Variants in LAPTM5 observed in about 807,000 individuals in gnomAD.
The protein encoded by LAPTM5 is lysosomal protein transmembrane 5.
Under a neutral mutation model 30.1 loss-of-function variants are expected in LAPTM5, and 11 were observed. That is an observed-to-expected ratio of 0.37 (90% confidence interval 0.23 to 0.60). The LOEUF (loss-of-function observed/expected upper bound fraction) is 0.60, where lower values mean the gene tolerates loss of function less well. Among genes scored for constraint, LAPTM5 ranks in the 20% least tolerant of loss-of-function variants. The probability of loss-of-function intolerance (pLI) is 0.71; values close to 1 mark genes in which losing one functional copy is unlikely to be tolerated. For synonymous variants in LAPTM5, 151 were observed against 137.9 expected, an observed-to-expected ratio of 1.10 and a Z score of -0.67; for missense variants, 324 against 332.5, an observed-to-expected ratio of 0.97 and a Z score of 0.20.
At chr1:30,743,704 G>A (rs79243755) in intron 1 of LAPTM5, among the ~76,000 whole-genome samples, 168 of 151,432 alleles carry the variant, frequency 1.1e-3, no homozygotes, top group South Asian at 2.7e-3. Context: ...AGTTTACATC[G>A]GCTTTCTAGG....
At chr1:30,740,430 C>T (rs1306239558) in intron 3 of LAPTM5, among the ~76,000 whole-genome samples, 5 of 149,868 alleles carry the variant, frequency 3.3e-5, no homozygotes, top group Non-Finnish European at 6.0e-5. Flanking sequence ...CACCACGCCC[C>T]GCATACAATT....
At chr1:30,751,382 C>T (rs145017797) in intron 1 of LAPTM5, among the ~76,000 whole-genome samples, 1 of 152,374 alleles carries the variant, frequency 6.6e-6, no homozygotes, top group East Asian at 1.9e-4. Context: ...CAGATTCTCA[C>T]CCAGGGTTTT....
intron 5 of LAPTM5, among the ~76,000 whole-genome samples, chr1:30,738,408 A>C (rs1321776503): frequency 6.6e-6 from 1 of 152,116 alleles, no homozygotes; most frequent in African/African-American, 2.4e-5. Flanking sequence ...CAAAGAGCCC[A>C]CGCCCTGTGA....
chr1:30,751,663 C>A, intron 1 of LAPTM5, among the ~76,000 whole-genome samples: 1 of 151,644 alleles, frequency 6.6e-6, no homozygotes, highest in Non-Finnish European at 1.5e-5. Context: ...CACTTGAACC[C>A]GGGAGGCAGA....
At position 30,745,767 on chromosome 1, in the gene LAPTM5, T is replaced by C. The variant is rs981947390; in HGVS notation, c.88-3218A>G. Among the ~76,000 whole-genome samples the C allele has an allele frequency of 3.3e-5, 5 of 152,290 alleles. No individual in the cohort carries two copies. The South Asian group carries it at 1.0e-3, about 32-fold the overall frequency. On this transcript the variant is annotated intron_variant, in intron 1 of 7. Transcript: ENST00000294507. Reference sequence around the variant, plus strand: ...GGCACCCATGTGGCTCTCTAGGACATAGGATGGAGAGGAACTCACATTTAT... The same window carrying C: ...GGCACCCATGTGGCTCTCTAGGACACAGGATGGAGAGGAACTCACATTTAT...
chr1:30,744,596 C>T, intron 1 of LAPTM5, among the ~76,000 whole-genome samples: 1 of 152,172 alleles, frequency 6.6e-6, no homozygotes, highest in East Asian at 1.9e-4. Context: ...TCATCTCAAC[C>T]TCCCCTTGCT....
chr1:30,745,670 C>T (rs1640032968), intron 1 of LAPTM5, among the ~76,000 whole-genome samples: 1 of 152,204 alleles, frequency 6.6e-6, no homozygotes, highest in Non-Finnish European at 1.5e-5. Flanking sequence ...GACTTAGACT[C>T]TGAGGGGCCC....
intron 1 of LAPTM5, among the ~76,000 whole-genome samples, chr1:30,748,284 G>A (rs1460356510): frequency 6.6e-6 from 1 of 152,112 alleles, no homozygotes; most frequent in Non-Finnish European, 1.5e-5. Context: ...CAAGAAGACA[G>A]GCCCGGGCTT....
chr1:30,735,796 T>C (rs1276877739), intron 6 of LAPTM5, among the ~76,000 whole-genome samples: 1 of 152,068 alleles, frequency 6.6e-6, no homozygotes, highest in Non-Finnish European at 1.5e-5. Flanking sequence ...GGGCATACAA[T>C]CCCAAGGGGC....
chr1:30,754,846 G>A lies in LAPTM5; in HGVS notation c.87+2813C>T, dbSNP rs533643393. Among the ~76,000 whole-genome samples the A allele has an allele frequency of 3.3e-5, 5 of 152,328 alleles. No individual in the cohort carries two copies. In the East Asian group the frequency reaches 9.6e-4, roughly 29 times the overall value. On this transcript the variant is annotated intron_variant, in intron 1 of 7. Coordinates refer to ENST00000294507, the MANE Select transcript of LAPTM5 (RefSeq NM_006762.3). ...CCTAGAGGGGCCAAGTCCACAAATA[G>A]CTCATGATGTGCAGAGTCGTCACCC...
chr1:30,751,404 A>C (rs1162476121), intron 1 of LAPTM5, among the ~76,000 whole-genome samples: 2 of 152,336 alleles, frequency 1.3e-5, no homozygotes, highest in East Asian at 3.9e-4. Flanking sequence ...CCCACCTGGC[A>C]GTTTGGACCC....
At chr1:30,740,626 G>A (rs1011679410) in intron 3 of LAPTM5, among the ~76,000 whole-genome samples, 31 of 152,144 alleles carry the variant, frequency 2.0e-4, no homozygotes, top group Admixed American at 1.9e-3. Flanking sequence ...TCATGTGGTC[G>A]TCTAAAATCA....
At chr1:30,751,738 C>A (rs1265151868) in intron 1 of LAPTM5, among the ~76,000 whole-genome samples, 4 of 151,092 alleles carry the variant, frequency 2.6e-5, no homozygotes, top group African/African-American at 9.7e-5. Context: ...GACTCAGTCT[C>A]AAAAAAAAGG....
chr1:30,745,519 C>T (rs1012911588), intron 1 of LAPTM5, among the ~76,000 whole-genome samples: 4 of 152,092 alleles, frequency 2.6e-5, no homozygotes, highest in Non-Finnish European at 5.9e-5. Context: ...CCCAGGCTCA[C>T]CCTCCCCCAT....
At chr1:30,738,483 C>T (rs1476656483) in intron 5 of LAPTM5, among the ~76,000 whole-genome samples, 1 of 152,180 alleles carries the variant, frequency 6.6e-6, no homozygotes, top group African/African-American at 2.4e-5. Context: ...GCCCCAGGTA[C>T]CATCTCTGGT....
rs1397477856 is a variant in LAPTM5, at chr1:30,733,504, C to T, written c.*324G>A. 18 of 1,407,630 alleles carry T rather than the reference C, an allele frequency of 1.3e-5. No individual in the cohort carries two copies. Among genetic ancestry groups the T allele is most frequent in the Non-Finnish European group, 1.7e-5 (18 of 1,065,618 alleles). The allele number at this position is 1,407,630 out of a possible 1,614,324, so 87.2% of individuals were successfully genotyped here. On this transcript the variant is annotated 3_prime_UTR_variant, in exon 8 of 8. Transcript: ENST00000294507. ...TTGTCAGTTGCTTGGCTGAACTGAT[C>T]AAGTCGATAGTTGCTTGACAAACTC...
intron 3 of LAPTM5, among the ~76,000 whole-genome samples, chr1:30,740,399 T>TCCCCCCCCCCCCCCC (rs148522746): frequency 2.9e-5 from 3 of 103,194 alleles, no homozygotes; most frequent in African/African-American, 4.1e-5. Flanking sequence ...AGAGAGCCCC[T>TCCCCCCCCCCCCCCC]CCCCCCCACC....
chr1:30,736,913 G>A (rs1639892760), intron 6 of LAPTM5, among the ~76,000 whole-genome samples: 1 of 152,190 alleles, frequency 6.6e-6, no homozygotes, highest in South Asian at 2.1e-4. Context: ...CAGGTATTAA[G>A]AAACAGCAGT....
intron 3 of LAPTM5, among the ~76,000 whole-genome samples, chr1:30,740,150 C>T (rs752914718): frequency 6.6e-5 from 10 of 152,126 alleles, no homozygotes; most frequent in Non-Finnish European, 1.0e-4. Flanking sequence ...TCCCAGGAGA[C>T]GTAAGGGAAC....
Sources: allele counts gnomAD v4.1 joint callset (sites outside exome capture counted in the v4.1 genomes callset), GRCh38; gene constraint gnomAD v4.1.1; transcripts MANE v1.5; gene names NCBI Gene and HGNC (gene_info 2026-07-23, HGNC 2026-07-21).